CNBD1: variants seen among roughly 807,000 people sequenced by gnomAD.
CNBD1 encodes the protein cyclic nucleotide binding domain containing 1.
CNBD1 carries 71 observed loss-of-function variants against 54.4 expected under a neutral mutation model. The observed-to-expected ratio is 1.30, with a 90% confidence interval of 1.08 to 1.59. The LOEUF (loss-of-function observed/expected upper bound fraction) is 1.59. Among genes scored for constraint, CNBD1 ranks in the 40% most tolerant of loss-of-function variants. CNBD1 has a pLI of 0.00. For synonymous variants in CNBD1, 182 were observed against 170.7 expected (o/e 1.07, Z -0.51); for missense variants, 659 against 518.0 (o/e 1.27, Z -2.64).
At chr8:87,190,896 T>TTTAGATATAGGTACATGTACCTA (rs1563501640) in intron 4 of CNBD1, among the ~76,000 whole-genome samples, 1 of 138,504 alleles carries the variant, frequency 7.2e-6, no homozygotes, top group Non-Finnish European at 1.5e-5. Flanking sequence ...CGTATATCTA[T>TTTAGATATAGGTACATGTACCTA]TTAGATATAG....
Position 86,922,003 on chromosome 8 carries a change from G to A in CNBD1, c.272+16809G>A, listed in dbSNP as rs184453001. 5.5e-4 allele frequency among the ~76,000 whole-genome samples: 83 copies of A among 152,146 alleles called. No homozygotes were observed. The East Asian group carries it at 0.013, about 24-fold the overall frequency. On this transcript the variant is annotated intron_variant, in intron 3 of 10. Transcript: ENST00000518476. Reference sequence around the variant, plus strand: ...GTTGCATTGAGAGTGCTTACATTGAGGGCAGATGGTGTACTGGAAGATCAG... The same window carrying A: ...GTTGCATTGAGAGTGCTTACATTGAAGGCAGATGGTGTACTGGAAGATCAG...
intron 3 of CNBD1, among the ~76,000 whole-genome samples, chr8:86,930,033 G>A (rs181106945): frequency 6.6e-5 from 10 of 152,242 alleles, no homozygotes; most frequent in African/African-American, 2.4e-4. Flanking sequence ...GGTTTTGAAG[G>A]CTGTTTCCAT....
chr8:87,278,361 A>G (rs1808526296), intron 6 of CNBD1, among the ~76,000 whole-genome samples: 1 of 151,540 alleles, frequency 6.6e-6, no homozygotes, highest in Non-Finnish European at 1.5e-5. Flanking sequence ...TTACAAGTGA[A>G]ACAACCACAA....
chr8:87,319,465 G>C lies in CNBD1; in HGVS notation c.1043-32220G>C, dbSNP rs1446120989. Among the ~76,000 whole-genome samples, 5 of 151,948 alleles carry C rather than the reference G, an allele frequency of 3.3e-5. No individual in the cohort carries two copies. In the South Asian group the frequency reaches 1.0e-3, roughly 31 times the overall value. Reference sequence around the variant, plus strand: ...AGAAATTTTACCTCACGTAAATGGAGTTTAGATGAGTACTCATAGAATAAC... The same window carrying C: ...AGAAATTTTACCTCACGTAAATGGACTTTAGATGAGTACTCATAGAATAAC... On this transcript the variant is annotated intron_variant, in intron 8 of 10. Transcript: ENST00000518476.
At chr8:87,363,189 T>A (rs1157240085) in intron 10 of CNBD1, among the ~76,000 whole-genome samples, 2 of 152,180 alleles carry the variant, frequency 1.3e-5, no homozygotes, top group Non-Finnish European at 2.9e-5. Flanking sequence ...GAACTCATCC[T>A]TTTTTTATGG....
chr8:87,389,848 T>C (rs916627367), intron 2 of CNBD1, among the ~76,000 whole-genome samples: 2 of 152,074 alleles, frequency 1.3e-5, no homozygotes, highest in African/African-American at 4.8e-5. Flanking sequence ...CTTCAAACTA[T>C]ACTACAAGGC....
At chr8:87,247,453 A>T (rs755275805) in intron 6 of CNBD1, among the ~76,000 whole-genome samples, 1 of 152,198 alleles carries the variant, frequency 6.6e-6, no homozygotes, top group Non-Finnish European at 1.5e-5. Context: ...TCATTGCCCC[A>T]TAATTCCAGT....
intron 6 of CNBD1, among the ~76,000 whole-genome samples, chr8:87,260,905 A>G (rs1808127223): frequency 6.6e-6 from 1 of 152,064 alleles, no homozygotes; most frequent in Non-Finnish European, 1.5e-5. Flanking sequence ...TATCTAAAAT[A>G]TTGGCTTTAC....
chr8:87,099,413 G>C (rs1811385614), intron 4 of CNBD1, among the ~76,000 whole-genome samples: 1 of 152,108 alleles, frequency 6.6e-6, no homozygotes, highest in Non-Finnish European at 1.5e-5. Context: ...ATACTTCAAA[G>C]GAATCACTTG....
intron 10 of CNBD1, among the ~76,000 whole-genome samples, chr8:87,377,519 A>G (rs565358498): frequency 3.9e-5 from 6 of 151,942 alleles, no homozygotes; most frequent in South Asian, 2.1e-4. Context: ...TCCATGTTGT[A>G]TATGTGCCAC....
intron 4 of CNBD1, among the ~76,000 whole-genome samples, chr8:86,944,283 C>G (rs773175312): frequency 5.9e-5 from 9 of 152,154 alleles, no homozygotes; most frequent in Admixed American, 2.6e-4. Context: ...TTGAACTCCT[C>G]TATGTTTCTG....
chr8:86,922,229 A>C (rs1162957461), intron 3 of CNBD1, among the ~76,000 whole-genome samples: 1 of 152,152 alleles, frequency 6.6e-6, no homozygotes, highest in Non-Finnish European at 1.5e-5. Flanking sequence ...AACTTGTTGA[A>C]AAAATTTTTT....
intron 4 of CNBD1, among the ~76,000 whole-genome samples, chr8:87,175,311 GTC>G (rs1256681485): frequency 6.6e-6 from 1 of 152,156 alleles, no homozygotes; most frequent in African/African-American, 2.4e-5. Context: ...AGCAGAAGGA[GTC>G]TCTCTCCAGA....
chr8:87,341,118 G>C (rs1444365300), intron 8 of CNBD1, among the ~76,000 whole-genome samples: 2 of 152,128 alleles, frequency 1.3e-5, no homozygotes, highest in Non-Finnish European at 2.9e-5. Context: ...TCTTGGACTT[G>C]TGCTTGTAAA....
chr8:87,423,251 A>G (rs1207902673), intron 2 of CNBD1, among the ~76,000 whole-genome samples: 1 of 151,660 alleles, frequency 6.6e-6, no homozygotes, highest in Non-Finnish European at 1.5e-5. Context: ...TCTTTTCCTA[A>G]TTGAATACCC....
At chr8:87,008,734 C>T (rs28573125) in intron 4 of CNBD1, among the ~76,000 whole-genome samples, 4,497 of 152,194 alleles carry the variant, frequency 0.03, 225 homozygotes, top group African/African-American at 0.1. Flanking sequence ...TGGTTTTGTG[C>T]CAGAATGTTC....
At position 87,322,560 on chromosome 8, in the gene CNBD1, A is replaced by G. The variant is rs1272687634; in HGVS notation, c.1043-29125A>G. 1.9e-4 allele frequency among the ~76,000 whole-genome samples: 22 copies of G among 115,550 alleles called. 1 individual carries two copies. Among genetic ancestry groups the G allele is most frequent in the African/African-American group, 3.2e-4 (10 of 30,816 alleles). The allele number at this position is 115,550 out of a possible 152,430, so 75.8% of individuals were successfully genotyped here. A position where few individuals can be genotyped will look rare whatever the true frequency, so the allele number is the denominator to read the frequency against. On this transcript the variant is annotated intron_variant, in intron 8 of 10. Transcript: ENST00000518476. The stretch of plus-strand genomic sequence containing the variant: ...TGCATTTCTCTGATGGCCAGTAATG[A>G]TGAGCATTTTTTCATGTGTTTTTTG...
At chr8:87,388,521 G>A (rs769977948) in intron 2 of CNBD1, among the ~76,000 whole-genome samples, 10 of 152,052 alleles carry the variant, frequency 6.6e-5, no homozygotes, top group Non-Finnish European at 7.4e-5. Context: ...TAAATTCCTC[G>A]ACACATACAC....
At chr8:87,008,820 C>T (rs1442071942) in intron 4 of CNBD1, among the ~76,000 whole-genome samples, 2 of 152,146 alleles carry the variant, frequency 1.3e-5, no homozygotes, top group Admixed American at 1.3e-4. Context: ...ATAAATAAAA[C>T]ATTCTATTCA....
Sources: allele counts gnomAD v4.1 joint callset (sites outside exome capture counted in the v4.1 genomes callset), GRCh38; gene constraint gnomAD v4.1.1; transcripts MANE v1.5; gene names NCBI Gene and HGNC (gene_info 2026-07-23, HGNC 2026-07-21).